Variants in MGAT4A observed in about 807,000 individuals in gnomAD.
MGAT4A encodes the protein alpha-1,3-mannosyl-glycoprotein 4-beta-N-acetylglucosaminyltransferase A.
In MGAT4A, 33 loss-of-function variants were observed where a neutral mutation model predicts 74.1. That is an observed-to-expected ratio of 0.45 (90% CI 0.34 to 0.60). The LOEUF (loss-of-function observed/expected upper bound fraction) is 0.60. MGAT4A is among the 20% of genes least tolerant of loss of function. The pLI, the probability that MGAT4A is intolerant of heterozygous loss-of-function variation, is 0.02. For synonymous variants in MGAT4A, 198 were observed against 210.4 expected (o/e 0.94, Z 0.51); for missense variants, 479 against 628.3 (o/e 0.76, Z 2.54).
intron 2 of MGAT4A, among the ~76,000 whole-genome samples, chr2:98,718,674 C>T (rs1702622153): frequency 6.6e-6 from 1 of 152,132 alleles, no homozygotes; most frequent in Admixed American, 6.5e-5. Context: ...CCTGCTGCCC[C>T]CAAATGCCTG....
Position 98,627,850 on chromosome 2 carries a change from A to C in MGAT4A, c.1469-2015T>G, listed in dbSNP as rs1336558107. On this transcript the variant is annotated intron_variant, in intron 14 of 15. Transcript: ENST00000393487. ...ATATTCAGTTCCTATTTCTGACAAA[A>C]ATTCACAGCATTTGTGATGGCTAAG... 2.0e-5 allele frequency among the ~76,000 whole-genome samples: 3 copies of C among 152,336 alleles called. No individual in the cohort carries two copies. The South Asian group carries it at 6.2e-4, about 32-fold the overall frequency.
chr2:98,664,809 C>T (rs1163993538), intron 4 of MGAT4A, among the ~76,000 whole-genome samples: 1 of 152,136 alleles, frequency 6.6e-6, no homozygotes, highest in Non-Finnish European at 1.5e-5. Flanking sequence ...GTGATCCTAA[C>T]CCCCTTGCTC....
intron 8 of MGAT4A, among the ~76,000 whole-genome samples, chr2:98,650,224 G>A (rs1331138895): frequency 6.6e-6 from 1 of 152,018 alleles, no homozygotes; most frequent in Non-Finnish European, 1.5e-5. Context: ...AATTACTGAG[G>A]CACAGGAGCA....
At chr2:98,660,434 A>ACACG in intron 5 of MGAT4A, among the ~76,000 whole-genome samples, 1 of 49,518 alleles carries the variant, frequency 2.0e-5, no homozygotes, top group South Asian at 9.1e-4. Flanking sequence ...ACACACACAC[A>ACACG]CACACACACA....
At position 98,621,600 on chromosome 2, in the gene MGAT4A, C is replaced by G; in HGVS notation, c.*3966G>C. 6.6e-7 allele frequency: 1 copy of G among 1,522,456 alleles called. No individual in the cohort carries two copies. Among genetic ancestry groups the G allele is most frequent in the Non-Finnish European group, 8.8e-7 (1 of 1,131,624 alleles). The allele number at this position is 1,522,456 out of a possible 1,614,324, so 94.3% of individuals were successfully genotyped here. A position where few individuals can be genotyped will look rare whatever the true frequency, so the allele number is the denominator to read the frequency against. On this transcript the variant is annotated 3_prime_UTR_variant, in exon 16 of 16. Transcript: ENST00000393487. ...TAATCATGGATCAAACAGGTTCCAC[C>G]CATGCTCAAAGTGGGAGGATATTAT...
chr2:98,663,589 G>T, intron 4 of MGAT4A: 1 of 658,220 alleles, frequency 1.5e-6, no homozygotes, highest in Non-Finnish European at 2.2e-6. Flanking sequence ...TGCCAACAAT[G>T]CATAACCTCA....
chr2:98,637,168 A>C (rs1377998700), intron 12 of MGAT4A, among the ~76,000 whole-genome samples: 1 of 151,978 alleles, frequency 6.6e-6, no homozygotes, highest in East Asian at 1.9e-4. Context: ...AAAATTAGCC[A>C]GGCATGGTGG....
intron 8 of MGAT4A, among the ~76,000 whole-genome samples, chr2:98,651,099 G>A (rs1575250901): frequency 7.1e-6 from 1 of 139,958 alleles, no homozygotes; most frequent in East Asian, 2.2e-4. Flanking sequence ...AAGAAATTAA[G>A]ACTTTCCCAG....
chr2:98,706,331 G>A (rs977608758), intron 2 of MGAT4A, among the ~76,000 whole-genome samples: 1 of 152,084 alleles, frequency 6.6e-6, no homozygotes, highest in African/African-American at 2.4e-5. Context: ...AGGGGCCACC[G>A]AGGTGTGTCC....
At chr2:98,698,558 G>A (rs779697143) in intron 2 of MGAT4A, among the ~76,000 whole-genome samples, 3 of 152,038 alleles carry the variant, frequency 2.0e-5, no homozygotes, top group South Asian at 2.1e-4. Context: ...CCAGGAACAC[G>A]AAACTGTTAC....
intron 11 of MGAT4A, 36 bp from the exon 12 acceptor site, chr2:98,640,037 A>G (rs532938421): frequency 9.0e-6 from 14 of 1,557,834 alleles, no homozygotes; most frequent in South Asian, 7.0e-5. Context: ...TAAATAATAC[A>G]CAGCTTATTT....
At chr2:98,639,758 G>C (rs750820274) in intron 12 of MGAT4A, 50 bp downstream of exon 12, 3 of 1,487,588 alleles carry the variant, frequency 2.0e-6, no homozygotes, top group South Asian at 1.3e-5. Context: ...ATCACATTAC[G>C]AATAAGAGAT....
chr2:98,685,870 T>C (rs1176512240), intron 2 of MGAT4A, among the ~76,000 whole-genome samples: 1 of 152,178 alleles, frequency 6.6e-6, no homozygotes, highest in Non-Finnish European at 1.5e-5. Flanking sequence ...CCCAGGTCCA[T>C]GAGCGGAGAA....
At chr2:98,645,380 G>A in intron 9 of MGAT4A, 48 bp downstream of exon 9, 1 of 1,332,402 alleles carries the variant, frequency 7.5e-7, no homozygotes, top group Non-Finnish European at 1.0e-6. Context: ...TAGATTCTGA[G>A]AGTCACAGTT....
chr2:98,649,868 C>T (rs1701553172), intron 8 of MGAT4A, among the ~76,000 whole-genome samples: 1 of 152,040 alleles, frequency 6.6e-6, no homozygotes, highest in Non-Finnish European at 1.5e-5. Context: ...CAACAAAAAA[C>T]AAGATATACA....
chr2:98,663,237 A>C (rs1701778403), intron 4 of MGAT4A, 58 bp from the exon 5 acceptor site: 1 of 1,528,930 alleles, frequency 6.5e-7, no homozygotes, highest in Non-Finnish European at 8.8e-7. Context: ...ACAGAAAAAC[A>C]CTTCTATTTC....
intron 2 of MGAT4A, among the ~76,000 whole-genome samples, chr2:98,713,774 C>A (rs973075289): frequency 2.0e-5 from 3 of 152,168 alleles, no homozygotes; most frequent in African/African-American, 7.2e-5. Context: ...ACATGTTTCA[C>A]ATATCCAAAA....
chr2:98,722,041 A>G (rs759548684), intron 2 of MGAT4A, among the ~76,000 whole-genome samples: 4 of 152,232 alleles, frequency 2.6e-5, no homozygotes, highest in Non-Finnish European at 4.4e-5. Context: ...GATTGAAGTA[A>G]AAGTATAAGA....
rs1299735151 is a variant in MGAT4A at position 98,656,352 on chromosome 2, C to T, written c.698G>A (p.Arg233Lys). 6.4e-7 allele frequency: 1 copy of T among 1,569,204 alleles called. No homozygotes were observed. The highest frequency in any genetic ancestry group is 2.2e-5 in the East Asian group (1 of 44,560). ...ETFGDSKERV[R>K]WRTKQNLDYC... The stretch of plus-strand genomic sequence containing the variant: ...AGGATTTTAAACGGCACATGCTCAC[C>T]TTACTCTTTCTTTGGAGTCTCCAAA... The change falls in exon 7 of 16, where the codon AGA becomes AAA. Residue 233 changes from arginine (R) to lysine (K), a missense_variant and splice_region_variant. Arg to Lys is a conservative substitution (Grantham distance 26). This residue lies in a region of MGAT4A where 38 missense variants were observed against 87.4 expected (regional missense o/e 0.43). Transcript: ENST00000393487.
Sources: gnomAD v4.1 joint callset for allele counts (sites outside exome capture counted in the v4.1 genomes callset) on GRCh38, gnomAD v4.1.1 for gene constraint, gnomAD v4.1.1 regional missense constraint, MANE v1.5 for transcripts, NCBI Gene and HGNC (gene_info 2026-07-23, HGNC 2026-07-21) for gene names.